The following PKHD1 variants were observed in gnomAD, a reference collection of about 807,000 sequenced individuals.
The protein encoded by PKHD1 is PKHD1 ciliary IPT domain containing fibrocystin/polyductin.
A neutral mutation model predicts 412.0 loss-of-function variants in PKHD1; 291 were observed. The observed-to-expected ratio is 0.71, with a 90% CI of 0.64 to 0.78. The LOEUF is 0.78. Among genes scored for constraint, PKHD1 ranks in the 30% least tolerant of loss-of-function variants. The pLI, the probability that PKHD1 is intolerant of heterozygous loss-of-function variation, is 0.00. For synonymous variants in PKHD1, 1,777 were observed against 1,821.5 expected (o/e 0.98, Z 0.62); for missense variants, 4,825 against 4,950.7 (o/e 0.97, Z 0.76).
intron 41 of PKHD1, among the ~76,000 whole-genome samples, 190 bp downstream of exon 41, chr6:51,906,019 TATCCTA>T (rs1782017033): frequency 6.6e-6 from 1 of 152,200 alleles, no homozygotes; most frequent in Non-Finnish European, 1.5e-5. Context: ...AAAAGATCAG[TATCCTA>T]TAGGTAAAGT....
Position 51,746,851 on chromosome 6 carries a change from C to T in PKHD1, c.9868G>A (p.Asp3290Asn), listed in dbSNP as rs370659581. Residue 3290 changes from aspartate to asparagine, a missense_variant, in exon 59 of 67, where the codon GAT (aspartate) becomes AAT (asparagine). Coordinates refer to ENST00000371117, the MANE Select transcript of PKHD1 (RefSeq NM_138694.4). ...GGTAGAATGCAGACATCCAGGTCAT[C>T]GCTATAGCAACTCTTCACAAAACTA... ...FSSFVKSCYS[D>N]DLDVCILPNA... 103 of 1,609,892 alleles carry T rather than the reference C, an allele frequency of 6.4e-5. No individual in the cohort carries two copies. The highest frequency in any genetic ancestry group is 1.6e-4 in the Middle Eastern group (1 of 6,064).
intron 52 of PKHD1, among the ~76,000 whole-genome samples, chr6:51,815,138 C>G (rs573183900): frequency 1.5e-4 from 23 of 152,136 alleles, no homozygotes; most frequent in Non-Finnish European, 2.8e-4. Context: ...CCTGGAAATA[C>G]TTTAGTAGGG....
At chr6:51,882,880 CTGTACTCATAACACTAA>C (rs1777599715) in intron 46 of PKHD1, among the ~76,000 whole-genome samples, 196 bp downstream of exon 46, 1 of 152,188 alleles carries the variant, frequency 6.6e-6, no homozygotes, top group Admixed American at 6.5e-5. Flanking sequence ...TGTGATTTAT[CTGTACTCATAACACTAA>C]AGCACTGTGT....
intron 52 of PKHD1, among the ~76,000 whole-genome samples, chr6:51,805,787 T>C (rs568916551): frequency 6.6e-6 from 1 of 152,210 alleles, no homozygotes; most frequent in South Asian, 2.1e-4. Flanking sequence ...ATGGAGTAGA[T>C]GAGGGTAAGC....
chr6:51,725,128 G>C (rs780732120), intron 60 of PKHD1, among the ~76,000 whole-genome samples: 10 of 152,174 alleles, frequency 6.6e-5, no homozygotes, highest in Non-Finnish European at 1.3e-4. Context: ...CTGGAAAACA[G>C]AGGGGGGTTC....
At chr6:52,017,673 C>T in intron 33 of PKHD1, 44 bp from the exon 34 acceptor site, 2 of 1,433,160 alleles carry the variant, frequency 1.4e-6, no homozygotes, top group South Asian at 2.3e-5. Context: ...CAGAGAGAAC[C>T]TAAGGCCTCT....
At chr6:51,982,817 AT>A (rs66479203) in intron 35 of PKHD1, among the ~76,000 whole-genome samples, 46,787 of 133,328 alleles carry the variant, frequency 0.35, 5,037 homozygotes, top group Non-Finnish European at 0.45. Flanking sequence ...AAAAAAAAAA[AT>A]AATAATAATA....
chr6:51,836,503 CA>C lies in PKHD1; in HGVS notation c.8108-35del. On this transcript the variant is annotated intron_variant, in intron 50 of 66. Coordinates refer to ENST00000371117, the MANE Select transcript of PKHD1 (RefSeq NM_138694.4). ...CAAAAGCCACAACTTGCATGTGATA[CA>C]AAGATCATCTTAATATTAAAGACAG... 3 of 1,428,840 alleles carry C rather than the reference CA, an allele frequency of 2.1e-6. No homozygotes were observed. The African/African-American group carries it at 4.2e-5, about 20-fold the overall frequency. The allele number at this position is 1,428,840 out of a possible 1,614,324, so 88.5% of individuals were successfully genotyped here.
chr6:51,663,131 A>C (rs1261400798), intron 60 of PKHD1, among the ~76,000 whole-genome samples: 1 of 152,070 alleles, frequency 6.6e-6, no homozygotes, highest in Non-Finnish European at 1.5e-5. Context: ...TCTCTACTAC[A>C]GTTATATCTT....
At chr6:51,767,768 A>T (rs952360906) in intron 55 of PKHD1, among the ~76,000 whole-genome samples, 1 of 152,188 alleles carries the variant, frequency 6.6e-6, no homozygotes, top group Non-Finnish European at 1.5e-5. Flanking sequence ...ATAGTGCCGC[A>T]ATTAACATAT....
intron 60 of PKHD1, among the ~76,000 whole-genome samples, chr6:51,697,781 A>T (rs746687741): frequency 6.6e-6 from 1 of 152,220 alleles, no homozygotes; most frequent in East Asian, 1.9e-4. Flanking sequence ...AACTCTGACT[A>T]TAAACAACAA....
chr6:51,693,301 T>C (rs1049913206), intron 60 of PKHD1, among the ~76,000 whole-genome samples: 1 of 152,242 alleles, frequency 6.6e-6, no homozygotes, highest in Non-Finnish European at 1.5e-5. Context: ...CATGCCTCCA[T>C]GTGAACCATA....
At chr6:51,970,578 T>C (rs1793521627) in intron 35 of PKHD1, among the ~76,000 whole-genome samples, 1 of 152,228 alleles carries the variant, frequency 6.6e-6, no homozygotes, top group Non-Finnish European at 1.5e-5. Flanking sequence ...ACTTTTATAC[T>C]GTCGGGTGTT....
chr6:51,847,860 C>G lies in PKHD1; in HGVS notation c.8022G>C (p.Leu2674=). The change falls in exon 50 of 67, where the codon CTG becomes CTC. Residue 2674 remains leucine, a synonymous_variant. Transcript: ENST00000371117. The stretch of plus-strand genomic sequence containing the variant: ...CTGGTGATGGAAGAAATGGAAAAGA[C>G]AGACCCACTCGACTCCCACATCTTA... ...ILLRCGSRVG[L]SFPFLPSPGQ... 1 of 1,614,030 alleles carries G rather than the reference C, an allele frequency of 6.2e-7. No homozygotes were observed. The highest frequency in any genetic ancestry group is 1.1e-5 in the South Asian group (1 of 91,082).
chr6:51,961,180 T>C (rs75487908), intron 35 of PKHD1, among the ~76,000 whole-genome samples: 1 of 151,772 alleles, frequency 6.6e-6, no homozygotes, highest in Non-Finnish European at 1.5e-5. Flanking sequence ...ATGTTTGTAA[T>C]ACCGACAACT....
intron 61 of PKHD1, among the ~76,000 whole-genome samples, chr6:51,651,409 G>A (rs1188428014): frequency 2.0e-5 from 3 of 152,130 alleles, no homozygotes; most frequent in Non-Finnish European, 2.9e-5. Context: ...TAAATGCAGG[G>A]TCCTGTTAAT....
At chr6:52,082,965 A>G (rs1355197503) in intron 3 of PKHD1, among the ~76,000 whole-genome samples, 1 of 152,194 alleles carries the variant, frequency 6.6e-6, no homozygotes. Context: ...GGAATGGGAA[A>G]GTGGACACAG....
At chr6:51,753,019 A>T (rs1786352262) in intron 57 of PKHD1, among the ~76,000 whole-genome samples, 182 bp downstream of exon 57, 1 of 152,222 alleles carries the variant, frequency 6.6e-6, no homozygotes, top group African/African-American at 2.4e-5. Flanking sequence ...TATTATTTTA[A>T]CATCACACTG....
chr6:51,813,696 T>C (rs892302591), intron 52 of PKHD1, among the ~76,000 whole-genome samples: 1 of 152,146 alleles, frequency 6.6e-6, no homozygotes, highest in African/African-American at 2.4e-5. Context: ...GATTTGGGCT[T>C]GACTGTGATG....
Sources: allele counts gnomAD v4.1 joint callset (sites outside exome capture counted in the v4.1 genomes callset), GRCh38; gene constraint gnomAD v4.1.1; transcripts MANE v1.5; gene names NCBI Gene and HGNC (gene_info 2026-07-23, HGNC 2026-07-21).